The following PPP1R14C variants were observed in gnomAD, a reference collection of about 807,000 sequenced individuals.
The protein encoded by PPP1R14C is protein phosphatase 1 regulatory subunit 14C.
PPP1R14C carries 16 observed loss-of-function variants against 20.4 expected under a neutral mutation model. The ratio of observed to expected loss-of-function variants is 0.78; its 90% confidence interval spans 0.53 to 1.19. The LOEUF is 1.19. PPP1R14C is among the 50% of genes most tolerant of loss of function. The pLI is 0.00. For missense variants in PPP1R14C, 211 were observed against 220.1 expected, an observed-to-expected ratio of 0.96 and a Z score of 0.26; for synonymous variants, 91 against 91.0, an observed-to-expected ratio of 1.00 and a Z score of 0.00.
At chr6:150,181,761 T>G (rs1777624169) in intron 1 of PPP1R14C, among the ~76,000 whole-genome samples, 1 of 152,256 alleles carries the variant, frequency 6.6e-6, no homozygotes, top group Non-Finnish European at 1.5e-5. Context: ...AGCCATCTTT[T>G]TGACAAACAT....
chr6:150,244,222 T>C (rs543730609), intron 3 of PPP1R14C, among the ~76,000 whole-genome samples: 35 of 151,980 alleles, frequency 2.3e-4, no homozygotes, highest in African/African-American at 7.7e-4. Context: ...ACCATTCTAC[T>C]CAAACTTCTC....
At chr6:150,151,401 C>T (rs1777245680) in intron 1 of PPP1R14C, among the ~76,000 whole-genome samples, 1 of 152,220 alleles carries the variant, frequency 6.6e-6, no homozygotes, top group Non-Finnish European at 1.5e-5. Context: ...CCAGGAGTCA[C>T]AAAGTCTTGT....
At chr6:150,178,839 A>C (rs1777590586) in intron 1 of PPP1R14C, among the ~76,000 whole-genome samples, 1 of 152,168 alleles carries the variant, frequency 6.6e-6, no homozygotes, top group Non-Finnish European at 1.5e-5. Context: ...ACAGGGGACA[A>C]ATTTCTTCAT....
intron 3 of PPP1R14C, among the ~76,000 whole-genome samples, chr6:150,246,836 G>A (rs1043058365): frequency 1.3e-5 from 2 of 152,112 alleles, no homozygotes; most frequent in Non-Finnish European, 2.9e-5. Flanking sequence ...TAATTTTTAG[G>A]AAGATTGTTT....
At position 150,161,959 on chromosome 6, in the gene PPP1R14C, C is replaced by T. The variant is rs77455071; in HGVS notation, c.306+18461C>T. Among the ~76,000 whole-genome samples the T allele has an allele frequency of 5.5e-3, 844 of 152,296 alleles. 8 individuals are homozygous for T. Among genetic ancestry groups the T allele is most frequent in the African/African-American group, 0.019 (774 of 41,558 alleles). On this transcript the variant is annotated intron_variant, in intron 1 of 3. Coordinates refer to ENST00000361131, the MANE Select transcript of PPP1R14C (RefSeq NM_030949.3). ...GGACTTTAACAAATGCAGAGTGTCA[C>T]GTATCCACCCTTGCAGTATCATACA...
intron 1 of PPP1R14C, among the ~76,000 whole-genome samples, chr6:150,173,024 G>GT (rs970886928): frequency 2.0e-5 from 3 of 151,830 alleles, no homozygotes; most frequent in Non-Finnish European, 4.4e-5. Flanking sequence ...TAGACCTGGA[G>GT]TTTTTTTTGT....
intron 1 of PPP1R14C, among the ~76,000 whole-genome samples, chr6:150,145,717 C>T (rs1224752666): frequency 3.9e-5 from 6 of 152,176 alleles, no homozygotes; most frequent in Admixed American, 1.3e-4. Flanking sequence ...TTCATGCATA[C>T]GAAGATTAGG....
At chr6:150,188,521 C>G (rs1244753161) in intron 1 of PPP1R14C, among the ~76,000 whole-genome samples, 1 of 146,032 alleles carries the variant, frequency 6.8e-6, no homozygotes, top group African/African-American at 2.6e-5. Context: ...GAGTCTCGCC[C>G]TATTGCCCAG....
At chr6:150,231,788 A>G (rs1329959201) in intron 3 of PPP1R14C, among the ~76,000 whole-genome samples, 1 of 152,232 alleles carries the variant, frequency 6.6e-6, no homozygotes, top group Non-Finnish European at 1.5e-5. Flanking sequence ...GGTGTCGGAC[A>G]CTTATCCTTG....
In PPP1R14C at chr6:150,241,844, G is replaced by A. The variant is rs9480041; in HGVS notation, c.424-6902G>A. On this transcript the variant is annotated intron_variant, in intron 3 of 3. Transcript: ENST00000361131. ...GGAGGTTGCAATGAGCCGAGATCAT[G>A]CCATTGCACTCCAGCCTGGGTGACA... Among the ~76,000 whole-genome samples, 720 of 152,232 alleles carry A rather than the reference G, an allele frequency of 4.7e-3. 6 individuals carry two copies. Among genetic ancestry groups the A allele is most frequent in the African/African-American group, 0.016 (673 of 41,544 alleles).
chr6:150,215,634 T>G (rs904295949), intron 2 of PPP1R14C, among the ~76,000 whole-genome samples: 2 of 152,250 alleles, frequency 1.3e-5, no homozygotes, highest in African/African-American at 4.8e-5. Context: ...ATTATGACAA[T>G]TATTTCTTCT....
At position 150,172,245 on chromosome 6, in the gene PPP1R14C, T is replaced by C. The variant is rs182972398; in HGVS notation, c.306+28747T>C. ...TTATAGATAATCTCTCTATTCATTA[T>C]ATGGCATTGACATTCAGAACTAATG... On this transcript the variant is annotated intron_variant, in intron 1 of 3. Transcript: ENST00000361131. Among the ~76,000 whole-genome samples the C allele has an allele frequency of 7.2e-3, 1,093 of 152,342 alleles. 7 individuals carry two copies. Among genetic ancestry groups the C allele is most frequent in the Non-Finnish European group, 9.9e-3 (673 of 68,026 alleles).
At chr6:150,214,513 C>T (rs1446329284) in intron 1 of PPP1R14C, among the ~76,000 whole-genome samples, 1 of 151,402 alleles carries the variant, frequency 6.6e-6, no homozygotes, top group Non-Finnish European at 1.5e-5. Flanking sequence ...GTCCCCATCC[C>T]TCCTTCCCTT....
chr6:150,204,224 G>A (rs780550763), intron 1 of PPP1R14C, among the ~76,000 whole-genome samples: 12 of 152,166 alleles, frequency 7.9e-5, no homozygotes, highest in South Asian at 2.1e-4. Context: ...TGTCTCAGCC[G>A]TCACTTATTT....
intron 1 of PPP1R14C, among the ~76,000 whole-genome samples, chr6:150,193,625 G>A (rs1777770804): frequency 6.6e-6 from 1 of 151,960 alleles, no homozygotes; most frequent in African/African-American, 2.4e-5. Context: ...AGGGGAGGAG[G>A]GAGGGGTGGG....
At chr6:150,197,117 G>T (rs764612626) in intron 1 of PPP1R14C, among the ~76,000 whole-genome samples, 1 of 152,186 alleles carries the variant, frequency 6.6e-6, no homozygotes, top group Non-Finnish European at 1.5e-5. Flanking sequence ...GAACTGGCTG[G>T]AGTCTCTGTT....
chr6:150,168,651 G>A (rs1777464651), intron 1 of PPP1R14C, among the ~76,000 whole-genome samples: 1 of 152,222 alleles, frequency 6.6e-6, no homozygotes, highest in Non-Finnish European at 1.5e-5. Flanking sequence ...AGTCCCTGGG[G>A]AGGAGCAGGG....
chr6:150,211,346 A>C (rs1313199905), intron 1 of PPP1R14C, among the ~76,000 whole-genome samples: 1 of 152,234 alleles, frequency 6.6e-6, no homozygotes, highest in Non-Finnish European at 1.5e-5. Flanking sequence ...ATGGGTACCA[A>C]CAGGAGGGCC....
chr6:150,170,617 C>T lies in PPP1R14C; in HGVS notation c.306+27119C>T, dbSNP rs1288110219. Among the ~76,000 whole-genome samples the T allele has an allele frequency of 3.3e-5, 5 of 152,210 alleles. No individual in the cohort carries two copies. The East Asian group carries it at 7.7e-4, about 24-fold the overall frequency. On this transcript the variant is annotated intron_variant, in intron 1 of 3. Coordinates refer to ENST00000361131, the MANE Select transcript of PPP1R14C (RefSeq NM_030949.3). ...AATTACAGGCGTGAGCCACTGCGCC[C>T]GGCTGCTAGTTACCTTTTAAGCACC...
Sources: allele counts gnomAD v4.1 joint callset (sites outside exome capture counted in the v4.1 genomes callset), GRCh38; gene constraint gnomAD v4.1.1; transcripts MANE v1.5; gene names NCBI Gene and HGNC (gene_info 2026-07-23, HGNC 2026-07-21).